Variants in SLC4A8 observed in about 807,000 individuals in gnomAD.
SLC4A8 encodes electroneutral sodium bicarbonate exchanger 1.
Under a neutral mutation model 125.0 loss-of-function variants are expected in SLC4A8, and 40 were observed. The ratio of observed to expected loss-of-function variants is 0.32; its 90% CI spans 0.25 to 0.42. The LOEUF is 0.42. SLC4A8 is among the 10% of genes least tolerant of loss of function. SLC4A8 has a pLI of 1.00. For synonymous variants in SLC4A8, 456 were observed against 476.0 expected, an observed-to-expected ratio of 0.96 and a Z score of 0.55; for missense variants, 863 against 1,355.1, an observed-to-expected ratio of 0.64 and a Z score of 5.70.
intron 16 of SLC4A8, among the ~76,000 whole-genome samples, chr12:51,475,949 C>T (rs1950841652): frequency 6.6e-6 from 1 of 152,132 alleles, no homozygotes; most frequent in Admixed American, 6.5e-5. Context: ...TAATAAATGA[C>T]CATTACATTT....
intron 1 of SLC4A8, among the ~76,000 whole-genome samples, chr12:51,402,110 G>A (rs1338169787): frequency 6.6e-6 from 1 of 152,162 alleles, no homozygotes; most frequent in East Asian, 1.9e-4. Context: ...CTGAAGTGAT[G>A]CCTTGATATA....
chr12:51,405,189 T>C (rs1394758521), intron 1 of SLC4A8, among the ~76,000 whole-genome samples: 1 of 152,218 alleles, frequency 6.6e-6, no homozygotes, highest in East Asian at 1.9e-4. Flanking sequence ...GGCTTTATTC[T>C]ATGAGATGCC....
At chr12:51,477,947 A>G (rs1369115483) in intron 16 of SLC4A8, among the ~76,000 whole-genome samples, 3 of 152,160 alleles carry the variant, frequency 2.0e-5, no homozygotes, top group Non-Finnish European at 4.4e-5. Context: ...CCTGGCTAAC[A>G]TGGCAAAACG....
At chr12:51,489,050 A>T (rs984987643) in intron 18 of SLC4A8, among the ~76,000 whole-genome samples, 190 bp downstream of exon 18, 1 of 152,242 alleles carries the variant, frequency 6.6e-6, no homozygotes, top group African/African-American at 2.4e-5. Context: ...TATGAAAGCA[A>T]CGTGGACTCC....
chr12:51,488,205 GT>G (rs910251532), intron 17 of SLC4A8, among the ~76,000 whole-genome samples: 19 of 152,342 alleles, frequency 1.2e-4, no homozygotes, highest in Admixed American at 5.9e-4. Flanking sequence ...ATGATACCAG[GT>G]TTTTGAGAGA....
intron 16 of SLC4A8, among the ~76,000 whole-genome samples, chr12:51,483,435 C>T (rs1951079798): frequency 6.7e-6 from 1 of 148,920 alleles, no homozygotes; most frequent in Admixed American, 6.7e-5. Flanking sequence ...AGTGAGGTTT[C>T]AGCCAGACAC....
chr12:51,480,398 A>G, intron 16 of SLC4A8: 1 of 1,129,004 alleles, frequency 8.9e-7, no homozygotes, highest in South Asian at 1.8e-5. Context: ...GTGTGCAGGC[A>G]ATATTATCTG....
intron 1 of SLC4A8, among the ~76,000 whole-genome samples, chr12:51,399,813 C>A (rs1426059575): frequency 6.6e-6 from 1 of 152,098 alleles, no homozygotes; most frequent in Non-Finnish European, 1.5e-5. Context: ...GAAACGCTGT[C>A]TCTACTAAAA....
At chr12:51,402,146 G>T (rs1488994184) in intron 1 of SLC4A8, among the ~76,000 whole-genome samples, 5 of 152,186 alleles carry the variant, frequency 3.3e-5, no homozygotes, top group Non-Finnish European at 5.9e-5. Context: ...ACTAGAGTAA[G>T]ATTTGACAGG....
At chr12:51,412,856 T>C (rs1465091010) in intron 1 of SLC4A8, among the ~76,000 whole-genome samples, 1 of 152,264 alleles carries the variant, frequency 6.6e-6, no homozygotes, top group Non-Finnish European at 1.5e-5. Flanking sequence ...ATTCCATATC[T>C]TGGCTATTGT....
intron 14 of SLC4A8, among the ~76,000 whole-genome samples, chr12:51,473,846 G>C (rs1458535873): frequency 6.6e-6 from 1 of 152,212 alleles, no homozygotes; most frequent in Non-Finnish European, 1.5e-5. Flanking sequence ...GTCAGAAAGT[G>C]CTTACATCAC....
chr12:51,422,712 TTC>T (rs953059394), upstream of SLC4A8, among the ~76,000 whole-genome samples: 2 of 152,204 alleles, frequency 1.3e-5, no homozygotes, highest in African/African-American at 2.4e-5. Flanking sequence ...CTCAATAACT[TTC>T]TGCTTTGGCC....
rs533903986 is a variant in SLC4A8, at chr12:51,454,960, C to T, written c.574+1261C>T. Among the ~76,000 whole-genome samples the T allele has an allele frequency of 2.7e-3, 162 of 60,552 alleles. 4 individuals are homozygous for T. Among genetic ancestry groups the T allele is most frequent in the South Asian group, 0.016 (25 of 1,600 alleles). The allele number at this position is 60,552 out of a possible 152,430, so 39.7% of individuals were successfully genotyped here. On this transcript the variant is annotated intron_variant, in intron 5 of 24. Coordinates refer to ENST00000453097, the MANE Select transcript of SLC4A8 (RefSeq NM_001039960.3). ...CTAGGCAGAGGTCCCTGCGGCCTTC[C>T]GCAGTTTTTGTGTCCCTGGGTACTT...
At chr12:51,491,740 G>GACACACACACACGCACACACACAC (rs1951322003) in intron 19 of SLC4A8, among the ~76,000 whole-genome samples, 1 of 145,930 alleles carries the variant, frequency 6.9e-6, no homozygotes, top group African/African-American at 2.5e-5. Context: ...GGGATGGGCA[G>GACACACACACACGCACACACACAC]ACACACACAC....
At chr12:51,506,347 C>T (rs904584557) in intron 24 of SLC4A8, among the ~76,000 whole-genome samples, 8 of 152,046 alleles carry the variant, frequency 5.3e-5, no homozygotes, top group Non-Finnish European at 7.4e-5. Context: ...TCACTTGTTA[C>T]ATAATGAGAA....
intron 1 of SLC4A8, among the ~76,000 whole-genome samples, chr12:51,432,132 G>A (rs1173376537): frequency 6.6e-6 from 1 of 152,208 alleles, no homozygotes; most frequent in African/African-American, 2.4e-5. Context: ...AAATGGGCCA[G>A]GCGCGGTGGC....
chr12:51,513,225 G>C lies in SLC4A8; in HGVS notation c.*5787G>C, dbSNP rs1938425018. The C allele has an allele frequency of 1.3e-5, 2 of 152,246 alleles. No homozygotes were observed. 9.4% of individuals were successfully genotyped at this position (152,246 alleles called of 1,614,324 possible). A position where few individuals can be genotyped will look rare whatever the true frequency, so the allele number is the denominator to read the frequency against. On this transcript the variant is annotated 3_prime_UTR_variant, in exon 25 of 25. Coordinates refer to ENST00000453097, the MANE Select transcript of SLC4A8 (RefSeq NM_001039960.3). ...AATATACTGTGAAATTGCCAAATAT[G>C]TTTGGTTGCAGAAAACACAGCCTGG...
chr12:51,493,687 T>C lies in SLC4A8; in HGVS notation c.2701-17T>C, dbSNP rs1951383098. ...ACCAAATTTAATTTCTGGCCTTTCTTGTCCTTTTGTCTTCAGTTTATTCCA... is the reference window on the plus strand; with the variant it reads ...ACCAAATTTAATTTCTGGCCTTTCTCGTCCTTTTGTCTTCAGTTTATTCCA... On this transcript the variant is annotated splice_polypyrimidine_tract_variant and intron_variant, in intron 19 of 24. Transcript: ENST00000453097. The C allele has an allele frequency of 5.1e-6, 8 of 1,573,720 alleles. No homozygotes were observed. Among genetic ancestry groups the C allele is most frequent in the Non-Finnish European group, 7.0e-6 (8 of 1,143,502 alleles).
intron 11 of SLC4A8, among the ~76,000 whole-genome samples, chr12:51,467,679 A>AT (rs1950562250): frequency 1.3e-5 from 2 of 152,172 alleles, no homozygotes; most frequent in Non-Finnish European, 1.5e-5. Context: ...TTTCAAACAT[A>AT]TAAAAAAAAG....
Sources: gnomAD v4.1 joint callset for allele counts (sites outside exome capture counted in the v4.1 genomes callset) on GRCh38, gnomAD v4.1.1 for gene constraint, MANE v1.5 for transcripts, NCBI Gene and HGNC (gene_info 2026-07-23, HGNC 2026-07-21) for gene names.